SYNE1: variants seen among roughly 807,000 people sequenced by gnomAD.
SYNE1 encodes the protein spectrin repeat containing nuclear envelope protein 1, also known as nesprin-1.
In SYNE1, 616 loss-of-function variants were observed where a neutral mutation model predicts 1,111.0. The ratio of observed to expected loss-of-function variants is 0.55; its 90% CI spans 0.52 to 0.59. SYNE1 has a LOEUF of 0.59. Ranked by LOEUF, SYNE1 falls within the 20% of genes least tolerant of loss-of-function variation. The probability of loss-of-function intolerance (pLI) is 0.00; values close to 1 mark genes in which losing one functional copy is unlikely to be tolerated. For synonymous variants in SYNE1, 3,855 were observed against 3,825.8 expected, an observed-to-expected ratio of 1.01 and a Z score of -0.28; for missense variants, 10,006 against 10,417.0, an observed-to-expected ratio of 0.96 and a Z score of 1.72.
chr6:152,563,245 G>T (rs946987430), intron 3 of SYNE1, among the ~76,000 whole-genome samples: 1 of 151,970 alleles, frequency 6.6e-6, no homozygotes, highest in Non-Finnish European at 1.5e-5. Context: ...CTTTCACCAA[G>T]GGAACTTCCA....
chr6:152,428,646 A>G (rs1266985317), intron 36 of SYNE1, among the ~76,000 whole-genome samples: 1 of 152,196 alleles, frequency 6.6e-6, no homozygotes, highest in African/African-American at 2.4e-5. Context: ...TGTTTCTTGA[A>G]TAAATAAAAC....
intron 119 of SYNE1, among the ~76,000 whole-genome samples, chr6:152,220,403 G>C (rs2079878271): frequency 1.3e-5 from 2 of 152,132 alleles, no homozygotes; most frequent in African/African-American, 4.8e-5. Flanking sequence ...TAAATTAGGA[G>C]AGAAAGACTT....
chr6:152,523,477 T>C (rs568308969), intron 5 of SYNE1, among the ~76,000 whole-genome samples: 1 of 152,172 alleles, frequency 6.6e-6, no homozygotes, highest in Non-Finnish European at 1.5e-5. Flanking sequence ...TAATTCAAAG[T>C]CAGATAATGT....
intron 95 of SYNE1, among the ~76,000 whole-genome samples, chr6:152,288,394 A>G (rs1255368359): frequency 6.6e-6 from 1 of 152,216 alleles, no homozygotes; most frequent in African/African-American, 2.4e-5. Context: ...TCTCACCAGC[A>G]CTACCTCATT....
chr6:152,568,456 C>T (rs818445), intron 3 of SYNE1, among the ~76,000 whole-genome samples: 45,667 of 151,742 alleles, frequency 0.3, 7,969 homozygotes, highest in Non-Finnish European at 0.4. Context: ...ATGCGTACCA[C>T]CACACTCGGC....
At chr6:152,460,770 T>TAGTTCCCG (rs11281212) in intron 21 of SYNE1, among the ~76,000 whole-genome samples, 1 of 148,928 alleles carries the variant, frequency 6.7e-6, no homozygotes, top group African/African-American at 2.5e-5. Flanking sequence ...TCTAGTTCCC[T>TAGTTCCCG]GTACAGAAAA....
chr6:152,592,162 T>A (rs2099568766), intron 3 of SYNE1, among the ~76,000 whole-genome samples: 1 of 152,100 alleles, frequency 6.6e-6, no homozygotes, highest in Admixed American at 6.5e-5. Flanking sequence ...AGAAATCTTA[T>A]TACTGGGTGT....
At chr6:152,233,579 C>A (rs185244187) in intron 112 of SYNE1, among the ~76,000 whole-genome samples, 1 of 152,294 alleles carries the variant, frequency 6.6e-6, no homozygotes, top group East Asian at 1.9e-4. Context: ...CCCTCCTCAG[C>A]CTCCCTAAGT....
At chr6:152,505,921 C>T (rs182506318) in intron 8 of SYNE1, among the ~76,000 whole-genome samples, 3 of 152,322 alleles carry the variant, frequency 2.0e-5, no homozygotes, top group African/African-American at 7.2e-5. Context: ...TGAATACTTT[C>T]AAATGCAGTA....
rs752482336 is a variant in SYNE1, at chr6:152,413,480, T to C, written c.6102A>G (p.Glu2034=). The C allele has an allele frequency of 1.3e-5, 21 of 1,614,168 alleles. No individual in the cohort carries two copies. In the Admixed American group the frequency reaches 3.5e-4, roughly 27 times the overall value. Reference sequence around the variant, plus strand: ...TGGCTTTGTCTTTCAACCAACATAGTTCATGCTCGTGAGAATTCAATTCAT... The same window carrying C: ...TGGCTTTGTCTTTCAACCAACATAGCTCATGCTCGTGAGAATTCAATTCAT... ...LEDELNSHEH[E]LCWLKDKAKQ... Residue 2034 remains glutamate, a synonymous_variant, in exon 42 of 146, where the codon GAA becomes GAG. Transcript: ENST00000367255.
intron 145 of SYNE1, among the ~76,000 whole-genome samples, chr6:152,123,029 G>A (rs760765028): frequency 6.6e-6 from 1 of 152,216 alleles, no homozygotes; most frequent in African/African-American, 2.4e-5. Context: ...TAATTAAAAT[G>A]TAGATATTTG....
Position 152,482,180 on chromosome 6 carries a change from T to C in SYNE1, c.1350+905A>G, listed in dbSNP as rs149097084. Reference sequence around the variant, plus strand: ...AAGTTGAAATGGCCAAGATCGGCAATGGCATCACATCTCTGTGTCTCTGTA... The same window carrying C: ...AAGTTGAAATGGCCAAGATCGGCAACGGCATCACATCTCTGTGTCTCTGTA... On this transcript the variant is annotated intron_variant, in intron 14 of 145. Transcript: ENST00000367255. Among the ~76,000 whole-genome samples the C allele has an allele frequency of 3.7e-3, 560 of 152,240 alleles. 9 individuals carry two copies. The highest frequency in any genetic ancestry group is 0.013 in the African/African-American group (525 of 41,532).
chr6:152,483,510 T>C (rs1166136227), intron 13 of SYNE1, among the ~76,000 whole-genome samples: 1 of 152,114 alleles, frequency 6.6e-6, no homozygotes, highest in African/African-American at 2.4e-5. Context: ...TGTAAGCAAT[T>C]TTCCTCTTAC....
At chr6:152,130,068 T>G (rs2055039180) in intron 145 of SYNE1, among the ~76,000 whole-genome samples, 2 of 152,018 alleles carry the variant, frequency 1.3e-5, no homozygotes, top group Admixed American at 1.3e-4. Context: ...GAGTCGGCTC[T>G]CGGGAGGTGA....
At chr6:152,430,066 A>G in intron 36 of SYNE1, 46 bp downstream of exon 36, 1 of 1,363,168 alleles carries the variant, frequency 7.3e-7, no homozygotes, top group Non-Finnish European at 1.0e-6. Flanking sequence ...GGGAATTATC[A>G]AATTTTAAGT....
chr6:152,549,130 GAAGTCAACA>G (rs1220018574), intron 3 of SYNE1, among the ~76,000 whole-genome samples: 21 of 152,192 alleles, frequency 1.4e-4, no homozygotes, highest in African/African-American at 4.8e-4. Context: ...GAACCCAAGT[GAAGTCAACA>G]AACTGAGGCC....
intron 95 of SYNE1, among the ~76,000 whole-genome samples, chr6:152,288,126 G>GT (rs10591944): frequency 1.8e-3 from 263 of 146,440 alleles, no homozygotes; most frequent in Middle Eastern, 7.1e-3. Flanking sequence ...TTATGTCTTT[G>GT]TTTTTTTTTT....
intron 105 of SYNE1, among the ~76,000 whole-genome samples, chr6:152,247,854 TAACACACACACA>T (rs1207188885): frequency 3.7e-5 from 5 of 133,604 alleles, no homozygotes; most frequent in Admixed American, 7.9e-5. Context: ...AGGTGTTCTT[TAACACACACACA>T]CACACACACA....
intron 38 of SYNE1, among the ~76,000 whole-genome samples, chr6:152,426,907 G>T (rs1384614975): frequency 1.3e-5 from 2 of 152,210 alleles, no homozygotes; most frequent in Non-Finnish European, 2.9e-5. Flanking sequence ...TCAGAGAAGC[G>T]ATTACAAAAG....
Sources: allele counts gnomAD v4.1 joint callset (sites outside exome capture counted in the v4.1 genomes callset), GRCh38; gene constraint gnomAD v4.1.1; transcripts MANE v1.5; gene names NCBI Gene and HGNC (gene_info 2026-07-23, HGNC 2026-07-21).